The following CACNA2D4 variants were observed in gnomAD, a reference collection of about 807,000 sequenced individuals.
CACNA2D4 encodes the protein voltage-dependent calcium channel subunit alpha-2/delta-4.
CACNA2D4 carries 157 observed loss-of-function variants against 163.8 expected under a neutral mutation model. The ratio of observed to expected loss-of-function variants is 0.96; its 90% CI spans 0.84 to 1.09. The LOEUF is 1.09. Among genes scored for constraint, CACNA2D4 ranks in the 50% least tolerant of loss-of-function variants. The pLI is 0.00. For missense variants in CACNA2D4, 1,410 were observed against 1,479.9 expected (o/e 0.95, Z 0.78); for synonymous variants, 598 against 586.9 (o/e 1.02, Z -0.27).
rs1864499009 is a variant in CACNA2D4 at position 1,829,054 on chromosome 12, T to C, written c.2551+11685A>G. On this transcript the variant is annotated intron_variant, in intron 26 of 37. Transcript: ENST00000382722. The surrounding 1 kb of genome is among the most constrained non-coding windows in gnomAD (Gnocchi z 4.2). Reference sequence around the variant, plus strand: ...TCACCATGTGAGAGAGGCTGGCCCCTGAGTGACTCAGATCTCCTTTCAGCC... The same window carrying C: ...TCACCATGTGAGAGAGGCTGGCCCCCGAGTGACTCAGATCTCCTTTCAGCC... Among the ~76,000 whole-genome samples, 2 of 152,240 alleles carry C rather than the reference T, an allele frequency of 1.3e-5. No homozygotes were observed. The highest frequency in any genetic ancestry group is 2.9e-5 in the Non-Finnish European group (2 of 68,038).
At chr12:1,895,022 A>G (rs1866368603) in intron 6 of CACNA2D4, among the ~76,000 whole-genome samples, 1 of 152,224 alleles carries the variant, frequency 6.6e-6, no homozygotes, top group Non-Finnish European at 1.5e-5. Context: ...TAGATATGAT[A>G]AATACATTCA....
At position 1,802,719 on chromosome 12, in the gene CACNA2D4, G is replaced by A. The variant is rs951836346; in HGVS notation, c.2722-1075C>T. 2.6e-5 allele frequency among the ~76,000 whole-genome samples: 4 copies of A among 152,192 alleles called. No individual in the cohort carries two copies. Among genetic ancestry groups the A allele is most frequent in the Admixed American group, 1.3e-4 (2 of 15,270 alleles). On this transcript the variant is annotated intron_variant, in intron 29 of 37. Transcript: ENST00000382722. This position sits in a 1 kb window ranked among gnomAD's most constrained non-coding sequence, Gnocchi z 4.7. The stretch of plus-strand genomic sequence containing the variant: ...CGTTAGGAGGAGAGGTCCGGGGTCC[G>A]GCTTGGCTGTTCTCCCTGCCGATTA...
At chr12:1,887,198 G>A in intron 6 of CACNA2D4, 129 bp from the exon 7 acceptor site, 2 of 658,548 alleles carry the variant, frequency 3.0e-6, no homozygotes, top group Non-Finnish European at 5.7e-6. Flanking sequence ...GAACAGGGTG[G>A]GGAACACTGG....
At position 1,806,193 on chromosome 12, in the gene CACNA2D4, A is replaced by C. The variant is rs759025538; in HGVS notation, c.2721+4085T>G. Among the ~76,000 whole-genome samples, 2 of 152,202 alleles carry C rather than the reference A, an allele frequency of 1.3e-5. No homozygotes were observed. Among genetic ancestry groups the C allele is most frequent in the Non-Finnish European group, 2.9e-5 (2 of 68,040 alleles). On this transcript the variant is annotated intron_variant, in intron 29 of 37. Coordinates refer to ENST00000382722, the MANE Select transcript of CACNA2D4 (RefSeq NM_172364.5). This position sits in a 1 kb window ranked among gnomAD's most constrained non-coding sequence, Gnocchi z 4.1. Reference sequence around the variant, plus strand: ...CCCAGAAGCAAATGACAGGAATCGGAGTCCCCAGATTCAGGGTGACAGATC... The same window carrying C: ...CCCAGAAGCAAATGACAGGAATCGGCGTCCCCAGATTCAGGGTGACAGATC...
Position 1,799,822 on chromosome 12 carries a change from A to C in CACNA2D4, c.2975-127T>G. ...TGGCGGTGTCCCAAGATGATGTCAC[A>C]CACAGAGCCAGGAGTGAGGGATGTG... On this transcript the variant is annotated intron_variant, in intron 33 of 37. Transcript: ENST00000382722. The surrounding 1 kb of genome is among the most constrained non-coding windows in gnomAD (Gnocchi z 4.7). The C allele has an allele frequency of 7.5e-7, 1 of 1,336,650 alleles. No homozygotes were observed. Among genetic ancestry groups the C allele is most frequent in the Non-Finnish European group, 1.0e-6 (1 of 954,826 alleles). The allele number at this position is 1,336,650 out of a possible 1,614,324, so 82.8% of individuals were successfully genotyped here. A position where few individuals can be genotyped will look rare whatever the true frequency, so the allele number is the denominator to read the frequency against.
At chr12:1,881,170 G>T (rs532753911) in intron 13 of CACNA2D4, among the ~76,000 whole-genome samples, 2 of 152,338 alleles carry the variant, frequency 1.3e-5, no homozygotes, top group Admixed American at 6.5e-5. Flanking sequence ...GGGACTGGTT[G>T]CAGGGGGCGG....
intron 37 of CACNA2D4, chr12:1,794,985 G>A: frequency 1.9e-6 from 1 of 531,794 alleles, no homozygotes; most frequent in Non-Finnish European, 3.3e-6. Flanking sequence ...CATTCCAAGG[G>A]TCTTAGAGGC....
chr12:1,813,050 A>C (rs1863761334), intron 26 of CACNA2D4, among the ~76,000 whole-genome samples: 1 of 152,222 alleles, frequency 6.6e-6, no homozygotes, highest in Non-Finnish European at 1.5e-5. Context: ...GTCAAAGGCC[A>C]GAGGTCCAGC....
intron 2 of CACNA2D4, among the ~76,000 whole-genome samples, chr12:1,913,348 C>T (rs1866882232): frequency 6.6e-6 from 1 of 152,188 alleles, no homozygotes; most frequent in African/African-American, 2.4e-5. Flanking sequence ...CTCTCTGTTC[C>T]AGGTGCTCTA....
chr12:1,801,162 A>G, intron 30 of CACNA2D4, 44 bp from the exon 31 acceptor site: 2 of 1,532,742 alleles, frequency 1.3e-6, no homozygotes, highest in Non-Finnish European at 1.8e-6. Flanking sequence ...AGCCACCCCC[A>G]CCCCCTGCCC....
chr12:1,804,121 CTGTGTGTGTG>C lies in CACNA2D4; in HGVS notation c.2722-2487_2722-2478del, dbSNP rs57706301. 4.5e-3 allele frequency among the ~76,000 whole-genome samples: 621 copies of C among 139,158 alleles called. 4 individuals are homozygous for C. The highest frequency in any genetic ancestry group is 0.014 in the African/African-American group (533 of 36,866). The allele number at this position is 139,158 out of a possible 152,430, so 91.3% of individuals were successfully genotyped here. On this transcript the variant is annotated intron_variant, in intron 29 of 37. Coordinates refer to ENST00000382722, the MANE Select transcript of CACNA2D4 (RefSeq NM_172364.5). ...GGCTCGCTTTTTGCTATTCTAGTTA[CTGTGTGTGTG>C]TGTGTGTGTGTGTGTGTGTGTGTGT...
chr12:1,828,098 G>T lies in CACNA2D4; in HGVS notation c.2551+12641C>A. On this transcript the variant is annotated intron_variant, in intron 26 of 37. Coordinates refer to ENST00000382722, the MANE Select transcript of CACNA2D4 (RefSeq NM_172364.5). The surrounding 1 kb of genome is among the most constrained non-coding windows in gnomAD (Gnocchi z 4.2). ...CAGGACTGACAGGCGGCGCACCCAG[G>T]GGCTCCTCTCTCCCCAGAGCGACAG... 2 of 1,465,980 alleles carry T rather than the reference G, an allele frequency of 1.4e-6. No homozygotes were observed. Among genetic ancestry groups the T allele is most frequent in the Admixed American group, 2.4e-5 (1 of 40,834 alleles). The allele number at this position is 1,465,980 out of a possible 1,614,324, so 90.8% of individuals were successfully genotyped here.
In CACNA2D4 at chr12:1,917,446, C is replaced by G. The variant is rs1244268705; in HGVS notation, c.227+801G>C. ...GTTGGCAGGTGGCTCTGTTGGTGGC[C>G]TGGCTATGGTGCTGGGCTCAAGCGG... On this transcript the variant is annotated intron_variant, in intron 1 of 37. Coordinates refer to ENST00000382722, the MANE Select transcript of CACNA2D4 (RefSeq NM_172364.5). This position sits in a 1 kb window ranked among gnomAD's most constrained non-coding sequence, Gnocchi z 4.3. Among the ~76,000 whole-genome samples the G allele has an allele frequency of 6.6e-6, 1 of 152,142 alleles. No individual in the cohort carries two copies.
intron 13 of CACNA2D4, among the ~76,000 whole-genome samples, chr12:1,880,121 G>A (rs987869989): frequency 6.6e-6 from 1 of 152,342 alleles, no homozygotes; most frequent in East Asian, 1.9e-4. Context: ...ACTCAGCAGG[G>A]TCCTGAGCCC....
intron 23 of CACNA2D4, among the ~76,000 whole-genome samples, chr12:1,850,061 T>G (rs1340053947): frequency 1.3e-5 from 2 of 152,224 alleles, no homozygotes; most frequent in African/African-American, 4.8e-5. Flanking sequence ...TTCATATTTT[T>G]GCCAGTGTAT....
intron 26 of CACNA2D4, 65 bp from the exon 27 acceptor site, chr12:1,811,788 A>C: frequency 1.4e-6 from 2 of 1,474,334 alleles, no homozygotes; most frequent in Non-Finnish European, 1.9e-6. Flanking sequence ...AATAGAGTCA[A>C]GTTAAAGAGA....
rs369569957 is a variant in CACNA2D4, at chr12:1,856,210, G to A, written c.2028C>T (p.His676=). Residue 676 remains histidine (H), a synonymous_variant, in exon 21 of 38, where the codon CAC becomes CAT. Transcript: ENST00000382722. ...AGTCACCGGCCAGGGCCAGGTCTGG[G>A]TGAAGCAAGTCATGCAGGCCTGAAA... The part of the protein sequence containing the change: ...SVEEGLHDLL[H]PDLALAGDWI... 1.9e-6 allele frequency: 3 copies of A among 1,613,930 alleles called. No homozygotes were observed. The African/African-American group carries it at 4.0e-5, about 22-fold the overall frequency.
Position 1,831,376 on chromosome 12 carries a change from C to T in CACNA2D4, c.2551+9363G>A, listed in dbSNP as rs750113466. The T allele has an allele frequency of 9.3e-6, 15 of 1,613,910 alleles. 1 individual carries two copies. The highest frequency in any genetic ancestry group is 8.9e-5 in the East Asian group (4 of 44,888). ...GGGCTCCTGGCTCTGCGCTCCCTCT[C>T]GCTTCGCTCCAACCGTCTGCAGAAT... On this transcript the variant is annotated intron_variant, in intron 26 of 37. Transcript: ENST00000382722.
At chr12:1,839,055 C>A (rs576585017) in intron 26 of CACNA2D4, among the ~76,000 whole-genome samples, 2 of 152,314 alleles carry the variant, frequency 1.3e-5, no homozygotes, top group Non-Finnish European at 2.9e-5. Context: ...TCGCTTATCC[C>A]AGAGTGGCAC....
Sources: allele counts gnomAD v4.1 joint callset (sites outside exome capture counted in the v4.1 genomes callset), GRCh38; gene constraint gnomAD v4.1.1; non-coding constraint Gnocchi (gnomAD v3.1); transcripts MANE v1.5; gene names NCBI Gene and HGNC (gene_info 2026-07-23, HGNC 2026-07-21).